CACNA2D1: variants seen among roughly 807,000 people sequenced by gnomAD.
The protein encoded by CACNA2D1 is voltage-dependent calcium channel subunit alpha-2/delta-1.
A neutral mutation model predicts 171.5 loss-of-function variants in CACNA2D1; 53 were observed. The observed-to-expected ratio is 0.31, with a 90% CI of 0.25 to 0.39. The LOEUF is 0.39. Among genes scored for constraint, CACNA2D1 ranks in the 10% least tolerant of loss-of-function variants. CACNA2D1 has a pLI of 1.00. For missense variants in CACNA2D1, 903 were observed against 1,299.8 expected (o/e 0.69, Z 4.69); for synonymous variants, 442 against 443.1 (o/e 1.00, Z 0.03).
At chr7:82,065,721 A>G (rs1807517219) in intron 8 of CACNA2D1, among the ~76,000 whole-genome samples, 1 of 152,218 alleles carries the variant, frequency 6.6e-6, no homozygotes, top group Admixed American at 6.6e-5. Flanking sequence ...ATAAGTTTCC[A>G]TATAGTCTTC....
chr7:82,083,978 G>A (rs1397564628), intron 7 of CACNA2D1, among the ~76,000 whole-genome samples: 2 of 152,096 alleles, frequency 1.3e-5, no homozygotes, highest in Non-Finnish European at 2.9e-5. Context: ...AAATTACCTA[G>A]CACGTATCCC....
chr7:81,964,816 A>G (rs1264133273), intron 32 of CACNA2D1, among the ~76,000 whole-genome samples: 1 of 151,992 alleles, frequency 6.6e-6, no homozygotes, highest in East Asian at 1.9e-4. Flanking sequence ...CCATACCGCA[A>G]AAAAGGTTAA....
At chr7:82,032,312 GT>G (rs541616285) in intron 12 of CACNA2D1, among the ~76,000 whole-genome samples, 261 of 151,878 alleles carry the variant, frequency 1.7e-3, no homozygotes, top group African/African-American at 6.1e-3. Flanking sequence ...AAAGGAATCA[GT>G]TTTCAAATGA....
At chr7:82,413,620 G>A in intron 1 of CACNA2D1, among the ~76,000 whole-genome samples, 1 of 152,156 alleles carries the variant, frequency 6.6e-6, no homozygotes, top group Non-Finnish European at 1.5e-5. Context: ...AGTCTTAATT[G>A]CAGTCAAATC....
intron 7 of CACNA2D1, among the ~76,000 whole-genome samples, chr7:82,083,312 T>C (rs567814940): frequency 5.3e-5 from 8 of 152,148 alleles, no homozygotes; most frequent in African/African-American, 1.9e-4. Flanking sequence ...ATATTTTAAA[T>C]TATATCAGGT....
At chr7:82,139,824 G>A (rs900917092) in intron 4 of CACNA2D1, among the ~76,000 whole-genome samples, 5 of 144,734 alleles carry the variant, frequency 3.5e-5, no homozygotes, top group African/African-American at 7.7e-5. Context: ...TCGCTCTATC[G>A]CCCAGGCTGG....
chr7:82,417,612 TA>T (rs1828301943), intron 1 of CACNA2D1, among the ~76,000 whole-genome samples: 1 of 152,176 alleles, frequency 6.6e-6, no homozygotes, highest in African/African-American at 2.4e-5. Flanking sequence ...ATATCTGCAT[TA>T]AAGTAAAACC....
chr7:82,281,249 C>G lies in CACNA2D1; in HGVS notation c.294+53886G>C, dbSNP rs559033886. ...TTGCATTGATAAGACTGCTCTTGAA[C>G]CAGTTTTTCTAGACAACAGAAGACC... is the stretch of plus-strand genomic sequence containing the variant. On this transcript the variant is annotated intron_variant, in intron 3 of 38. Coordinates refer to ENST00000356860, the MANE Select transcript of CACNA2D1 (RefSeq NM_000722.4). Among the ~76,000 whole-genome samples, 15 of 152,306 alleles carry G rather than the reference C, an allele frequency of 9.8e-5. 1 individual carries two copies. The East Asian group carries it at 2.7e-3, about 27-fold the overall frequency.
rs141472600 is a variant in CACNA2D1, at chr7:82,052,810, C to A, written c.879+7618G>T. Among the ~76,000 whole-genome samples, 32 of 152,256 alleles carry A rather than the reference C, an allele frequency of 2.1e-4. 1 individual carries two copies. In the East Asian group the frequency reaches 5.2e-3, roughly 25 times the overall value. On this transcript the variant is annotated intron_variant, in intron 10 of 38. Coordinates refer to ENST00000356860, the MANE Select transcript of CACNA2D1 (RefSeq NM_000722.4). ...AATCATGAATGAAGATGGCTACACT[C>A]CAGTTCTTTCTCTTTTCTTGGAAAA...
intron 3 of CACNA2D1, among the ~76,000 whole-genome samples, chr7:82,280,272 T>C (rs1406711030): frequency 1.3e-5 from 2 of 152,206 alleles, no homozygotes; most frequent in Admixed American, 6.5e-5. Flanking sequence ...CATGTACATG[T>C]ACATATATAT....
chr7:82,254,360 CCTTT>C (rs1224350172), intron 3 of CACNA2D1, among the ~76,000 whole-genome samples: 18 of 152,146 alleles, frequency 1.2e-4, no homozygotes, highest in African/African-American at 4.1e-4. Flanking sequence ...TTGCTTTAAA[CCTTT>C]CTTTGTTTTG....
chr7:82,227,968 G>A (rs564482799), intron 3 of CACNA2D1, among the ~76,000 whole-genome samples: 1 of 152,092 alleles, frequency 6.6e-6, no homozygotes, highest in South Asian at 2.1e-4. Flanking sequence ...ATGTACCCCC[G>A]GCTGTACATG....
chr7:82,110,138 T>C (rs555204813), intron 6 of CACNA2D1, among the ~76,000 whole-genome samples: 20 of 152,318 alleles, frequency 1.3e-4, no homozygotes, highest in African/African-American at 4.6e-4. Context: ...TTCATAAAGA[T>C]GGAAAAGATT....
At chr7:82,325,001 G>A (rs537598434) in intron 3 of CACNA2D1, among the ~76,000 whole-genome samples, 35 of 152,148 alleles carry the variant, frequency 2.3e-4, no homozygotes, top group African/African-American at 2.9e-4. Context: ...ATACAGTGTC[G>A]TAGGCCCTAC....
At chr7:82,338,994 T>C (rs1818308780) in intron 2 of CACNA2D1, among the ~76,000 whole-genome samples, 1 of 152,098 alleles carries the variant, frequency 6.6e-6, no homozygotes, top group East Asian at 1.9e-4. Flanking sequence ...GTTGAGAAGA[T>C]TGGCCAAGTT....
At chr7:81,999,451 A>G (rs1374794367) in intron 18 of CACNA2D1, among the ~76,000 whole-genome samples, 15 of 152,214 alleles carry the variant, frequency 9.9e-5, no homozygotes, top group Non-Finnish European at 1.9e-4. Context: ...GGAAATAAAT[A>G]CCACACCATT....
chr7:82,344,453 G>A (rs1819022059), intron 2 of CACNA2D1, among the ~76,000 whole-genome samples: 1 of 152,228 alleles, frequency 6.6e-6, no homozygotes, highest in Admixed American at 6.5e-5. Flanking sequence ...ACGGCCGGAA[G>A]AGAATGGGAA....
At chr7:82,379,138 G>A (rs959902519) in intron 1 of CACNA2D1, among the ~76,000 whole-genome samples, 1 of 152,096 alleles carries the variant, frequency 6.6e-6, no homozygotes, top group South Asian at 2.1e-4. Context: ...GCCTTTTCAT[G>A]TGTGTGGCCT....
At chr7:82,207,570 G>A (rs1800135790) in intron 3 of CACNA2D1, among the ~76,000 whole-genome samples, 2 of 151,912 alleles carry the variant, frequency 1.3e-5, no homozygotes, top group Admixed American at 6.6e-5. Context: ...TTGGACACAA[G>A]TATACTAATT....
Sources: gnomAD v4.1 joint callset for allele counts (sites outside exome capture counted in the v4.1 genomes callset) on GRCh38, gnomAD v4.1.1 for gene constraint, MANE v1.5 for transcripts, NCBI Gene and HGNC (gene_info 2026-07-23, HGNC 2026-07-21) for gene names.